The following ATE1 variants were observed in gnomAD, a reference collection of about 807,000 sequenced individuals.
The protein encoded by ATE1 is arginyl-tRNA--protein transferase 1.
ATE1 carries 36 observed loss-of-function variants against 70.5 expected under a neutral mutation model. That is an observed-to-expected ratio of 0.51 (90% CI 0.39 to 0.67). The LOEUF is 0.67. Ranked by LOEUF, ATE1 falls within the 30% of genes least tolerant of loss-of-function variation. ATE1 has a pLI of 0.00. For synonymous variants in ATE1, 232 were observed against 219.3 expected, an observed-to-expected ratio of 1.06 and a Z score of -0.51; for missense variants, 593 against 629.5, an observed-to-expected ratio of 0.94 and a Z score of 0.62.
chr10:121,770,196 A>C (rs567732247), intron 11 of ATE1, among the ~76,000 whole-genome samples: 1 of 149,388 alleles, frequency 6.7e-6, no homozygotes, highest in Non-Finnish European at 1.5e-5. Context: ...GAAGGCATGA[A>C]CTACTGATAC....
chr10:121,750,831 T>C (rs902745812), intron 11 of ATE1, among the ~76,000 whole-genome samples: 1 of 152,228 alleles, frequency 6.6e-6, no homozygotes, highest in African/African-American at 2.4e-5. Flanking sequence ...ACAAAACTGA[T>C]TTAATAATTT....
chr10:121,888,314 A>C (rs1414054414), intron 7 of ATE1, among the ~76,000 whole-genome samples: 26 of 152,120 alleles, frequency 1.7e-4, no homozygotes. Flanking sequence ...GAATGGCATG[A>C]ACCTGGGAGG....
intron 10 of ATE1, among the ~76,000 whole-genome samples, chr10:121,821,533 G>C (rs1250892227): frequency 6.6e-6 from 1 of 152,132 alleles, no homozygotes; most frequent in Non-Finnish European, 1.5e-5. Flanking sequence ...ATAAATGGTC[G>C]ATACACATGA....
chr10:121,781,479 A>G (rs1278188116), intron 11 of ATE1, among the ~76,000 whole-genome samples: 1 of 152,246 alleles, frequency 6.6e-6, no homozygotes, highest in Non-Finnish European at 1.5e-5. Context: ...GATGTACACC[A>G]GGTGTCTCAA....
intron 7 of ATE1, among the ~76,000 whole-genome samples, chr10:121,877,644 C>T (rs1465002740): frequency 1.4e-5 from 2 of 145,192 alleles, no homozygotes; most frequent in Non-Finnish European, 3.2e-5. Flanking sequence ...ATTCAAATGG[C>T]CAATAAATAC....
At chr10:121,898,653 G>A (rs554203225) in intron 7 of ATE1, among the ~76,000 whole-genome samples, 7 of 152,182 alleles carry the variant, frequency 4.6e-5, no homozygotes, top group African/African-American at 1.4e-4. Flanking sequence ...CACTAAGAAC[G>A]CATCCTGAAT....
intron 4 of ATE1, among the ~76,000 whole-genome samples, chr10:121,911,815 C>T (rs974672398): frequency 2.0e-5 from 3 of 152,012 alleles, no homozygotes; most frequent in African/African-American, 7.2e-5. Context: ...GGCGCGACCT[C>T]GGCTCACTGC....
At chr10:121,916,838 C>T (rs1413813084) in intron 3 of ATE1, among the ~76,000 whole-genome samples, 2 of 134,770 alleles carry the variant, frequency 1.5e-5, no homozygotes, top group Admixed American at 1.5e-4. Context: ...CCGTCTCAAA[C>T]AAAAAAAAAA....
At chr10:121,894,071 A>C (rs1950677230) in intron 7 of ATE1, among the ~76,000 whole-genome samples, 1 of 146,640 alleles carries the variant, frequency 6.8e-6, no homozygotes, top group Non-Finnish European at 1.5e-5. Flanking sequence ...CGGGAGGCGG[A>C]GGTTGCAGTG....
At chr10:121,849,486 T>G (rs1040665237) in intron 8 of ATE1, among the ~76,000 whole-genome samples, 2 of 152,200 alleles carry the variant, frequency 1.3e-5, no homozygotes, top group African/African-American at 4.8e-5. Context: ...CTCCCATCTC[T>G]CAATTCCTGT....
chr10:121,902,923 T>C (rs1951039214), intron 5 of ATE1, among the ~76,000 whole-genome samples: 1 of 152,136 alleles, frequency 6.6e-6, no homozygotes. Flanking sequence ...TGGAGTGCAA[T>C]GGCATGATCT....
intron 8 of ATE1, among the ~76,000 whole-genome samples, chr10:121,848,874 G>A (rs1948946682): frequency 6.6e-6 from 1 of 151,558 alleles, no homozygotes; most frequent in Non-Finnish European, 1.5e-5. Context: ...TCACGCCACT[G>A]CACTCCAGCC....
At chr10:121,784,984 C>T (rs1946147442) in intron 11 of ATE1, among the ~76,000 whole-genome samples, 1 of 152,230 alleles carries the variant, frequency 6.6e-6, no homozygotes, top group African/African-American at 2.4e-5. Flanking sequence ...ATTCACCAAA[C>T]TTGGGAGCCA....
At chr10:121,884,221 T>C (rs1047944294) in intron 7 of ATE1, among the ~76,000 whole-genome samples, 1 of 151,724 alleles carries the variant, frequency 6.6e-6, no homozygotes, top group Non-Finnish European at 1.5e-5. Flanking sequence ...GACATTCATC[T>C]ATATAATCCT....
intron 3 of ATE1, among the ~76,000 whole-genome samples, chr10:121,921,400 A>G (rs1411701722): frequency 6.6e-6 from 1 of 151,260 alleles, no homozygotes; most frequent in African/African-American, 2.4e-5. Context: ...AGGCAGCAAC[A>G]GGCACGGCCC....
intron 10 of ATE1, 33 bp downstream of exon 10, chr10:121,836,685 A>G: frequency 1.5e-6 from 2 of 1,338,532 alleles, no homozygotes; most frequent in Non-Finnish European, 2.1e-6. Flanking sequence ...TTTTTCTATA[A>G]TAAAAATACA....
chr10:121,803,242 A>G (rs773769647), intron 10 of ATE1, among the ~76,000 whole-genome samples: 35 of 152,208 alleles, frequency 2.3e-4, no homozygotes, highest in Non-Finnish European at 4.3e-4. Context: ...TTCTCAATAA[A>G]TACTTATTCA....
chr10:121,871,501 A>G (rs1488742041), intron 7 of ATE1, among the ~76,000 whole-genome samples: 2 of 152,148 alleles, frequency 1.3e-5, no homozygotes, highest in Non-Finnish European at 2.9e-5. Context: ...TAGACATGAC[A>G]TTAAATGAGT....
intron 8 of ATE1, among the ~76,000 whole-genome samples, chr10:121,844,552 TA>T (rs1948745940): frequency 6.6e-6 from 1 of 152,116 alleles, no homozygotes; most frequent in Non-Finnish European, 1.5e-5. Flanking sequence ...GATCTCAACA[TA>T]AAAAAGAGCA....
Sources: gnomAD v4.1 joint callset for allele counts (sites outside exome capture counted in the v4.1 genomes callset) on GRCh38, gnomAD v4.1.1 for gene constraint, MANE v1.5 for transcripts, NCBI Gene and HGNC (gene_info 2026-07-23, HGNC 2026-07-21) for gene names.